RHOH: variants seen among roughly 807,000 people sequenced by gnomAD.
The protein encoded by RHOH is rho-related GTP-binding protein RhoH.
In RHOH, 6 loss-of-function variants were observed where a neutral mutation model predicts 13.8. That is an observed-to-expected ratio of 0.44 (90% CI 0.24 to 0.86). The LOEUF (loss-of-function observed/expected upper bound fraction) is 0.86. Among genes scored for constraint, RHOH ranks in the 40% least tolerant of loss-of-function variants. The pLI is 0.24. For synonymous variants in RHOH, 117 were observed against 103.0 expected (o/e 1.14, Z -0.82); for missense variants, 147 against 244.5 (o/e 0.60, Z 2.66).
At chr4:40,194,941 G>T (rs1398111504), upstream of RHOH, among the ~76,000 whole-genome samples, 1 of 152,148 alleles carries the variant, frequency 6.6e-6, no homozygotes, top group African/African-American at 2.4e-5. Context: ...AGGGGGCAAA[G>T]TTTCTCTTTA....
upstream of RHOH, among the ~76,000 whole-genome samples, chr4:40,192,180 G>C (rs1392496292): frequency 6.6e-6 from 1 of 152,164 alleles, no homozygotes; most frequent in Non-Finnish European, 1.5e-5. Context: ...TCATCATCCA[G>C]TGGGGAGCTG....
At chr4:40,237,461 A>AG (rs1728725185) in intron 1 of RHOH, among the ~76,000 whole-genome samples, 2 of 152,042 alleles carry the variant, frequency 1.3e-5, no homozygotes, top group Non-Finnish European at 2.9e-5. Context: ...TCTCAAAAAA[A>AG]AAAAAAAAAG....
intron 1 of RHOH, among the ~76,000 whole-genome samples, chr4:40,203,823 CA>C (rs1724322211): frequency 6.6e-6 from 1 of 152,190 alleles, no homozygotes; most frequent in African/African-American, 2.4e-5. Context: ...GAACTATGAG[CA>C]CAGAGAAAGA....
intron 1 of RHOH, among the ~76,000 whole-genome samples, chr4:40,241,010 A>G (rs770187059): frequency 2.6e-5 from 4 of 152,026 alleles, no homozygotes; most frequent in Non-Finnish European, 5.9e-5. Context: ...AAAATAAGAT[A>G]ATTAAATTAA....
chr4:40,208,215 T>C (rs538250998), intron 1 of RHOH, among the ~76,000 whole-genome samples: 1 of 152,300 alleles, frequency 6.6e-6, no homozygotes, highest in South Asian at 2.1e-4. Flanking sequence ...TAAATGTTAG[T>C]GCTCCTTCCT....
chr4:40,193,197 A>T (rs1358444298), upstream of RHOH: 1 of 152,466 alleles, frequency 6.6e-6, no homozygotes, highest in East Asian at 1.9e-4. Flanking sequence ...CTTGCAATGG[A>T]GGTGGGTGGT....
At chr4:40,222,572 A>C (rs762495744) in intron 1 of RHOH, among the ~76,000 whole-genome samples, 3 of 152,220 alleles carry the variant, frequency 2.0e-5, no homozygotes, top group Admixed American at 6.5e-5. Flanking sequence ...CACTGTTGAG[A>C]CCTACTGCTC....
Position 40,245,572 on chromosome 4 carries a change from AAAT to A in RHOH, c.*1611_*1613del. The A allele has an allele frequency of 1.4e-5, 2 of 144,136 alleles. No individual in the cohort carries two copies. The highest frequency in any genetic ancestry group is 7.5e-5 in the Admixed American group (1 of 13,340). The allele number at this position is 144,136 out of a possible 1,614,324, so 8.9% of individuals were successfully genotyped here. A position where few individuals can be genotyped will look rare whatever the true frequency, so the allele number is the denominator to read the frequency against. On this transcript the variant is annotated 3_prime_UTR_variant, in exon 3 of 3. Transcript: ENST00000381799. ...AAAAAAGAAAAGAAAAAAAAGAAAG[AAAT>A]TGCAAAGGCTGGCACCTAGATAGAT...
chr4:40,236,923 A>C (rs1728655642), intron 1 of RHOH, among the ~76,000 whole-genome samples: 1 of 152,230 alleles, frequency 6.6e-6, no homozygotes, highest in South Asian at 2.1e-4. Context: ...ATAGGTGTGC[A>C]GTTAGGAATT....
chr4:40,193,258 AGTTACGAACTGTGGACCCATG>A (rs1722790508), upstream of RHOH: 1 of 152,320 alleles, frequency 6.6e-6, no homozygotes, highest in African/African-American at 2.4e-5. Flanking sequence ...TCTGATTCCC[AGTTACGAACTGTGGACCCATG>A]GTTTCCCTCC....
chr4:40,235,609 G>GA (rs1728473072), intron 1 of RHOH, among the ~76,000 whole-genome samples: 1 of 101,706 alleles, frequency 9.8e-6, no homozygotes. Context: ...AAAAAAAAAA[G>GA]AAAAAAGAAA....
chr4:40,229,648 A>G (rs199498423), intron 1 of RHOH, among the ~76,000 whole-genome samples: 155 of 151,580 alleles, frequency 1.0e-3, no homozygotes, highest in Admixed American at 1.3e-3. Flanking sequence ...AAAAAAAAAA[A>G]AAAGAAAGAA....
chr4:40,205,450 G>T (rs1199905078), intron 1 of RHOH, among the ~76,000 whole-genome samples: 1 of 152,200 alleles, frequency 6.6e-6, no homozygotes, highest in African/African-American at 2.4e-5. Flanking sequence ...AGATGTAGTT[G>T]TCTTATCTGA....
At chr4:40,191,649 GTCT>G (rs1206565302), upstream of RHOH, among the ~76,000 whole-genome samples, 2 of 152,146 alleles carry the variant, frequency 1.3e-5, no homozygotes, top group Non-Finnish European at 2.9e-5. Context: ...ACAAGACTCT[GTCT>G]TCTTATGAAT....
At chr4:40,197,347 A>G (rs1323037577) in intron 1 of RHOH, 47 bp downstream of exon 1, 1 of 147,252 alleles carries the variant, frequency 6.8e-6, no homozygotes, top group African/African-American at 2.5e-5. Flanking sequence ...GTCAAAAGAA[A>G]TTTTTCTAAT....
intron 1 of RHOH, among the ~76,000 whole-genome samples, chr4:40,203,262 G>A (rs775819349): frequency 9.2e-5 from 14 of 152,228 alleles, no homozygotes; most frequent in Non-Finnish European, 7.3e-5. Flanking sequence ...GTGAGCCACC[G>A]CGCCCGGCCA....
chr4:40,207,934 C>G (rs1039728923), intron 1 of RHOH, among the ~76,000 whole-genome samples: 3 of 152,082 alleles, frequency 2.0e-5, no homozygotes, highest in Non-Finnish European at 4.4e-5. Flanking sequence ...CCACTGCACT[C>G]CAGCCTGGGC....
chr4:40,243,882 G>A lies in RHOH; in HGVS notation c.496G>A (p.Ala166Thr), dbSNP rs750167394. The change falls in exon 3 of 3, where the codon GCC becomes ACC. Residue 166 changes from alanine (A) to threonine (T), a missense_variant. Physicochemically the swap from Ala to Thr is moderately conservative, Grantham distance 58 (BLOSUM62 0). This residue lies in a region of RHOH where 31 missense variants were observed against 61.8 expected (regional missense o/e 0.50). Transcript: ENST00000381799. This position sits in a 1 kb window ranked among gnomAD's most constrained non-coding sequence, Gnocchi z 6.2. ...NRGVQQVFEC[A>T]VRTAVNQARR... ...GGGAGTACAGCAGGTGTTTGAGTGC[G>A]CCGTCCGAACTGCCGTCAACCAGGC... is the stretch of plus-strand genomic sequence containing the variant. 6.2e-6 allele frequency: 10 copies of A among 1,614,034 alleles called. No individual in the cohort carries two copies. The highest frequency in any genetic ancestry group is 8.5e-6 in the Non-Finnish European group (10 of 1,180,014).
chr4:40,199,104 T>TAA (rs58849854), intron 1 of RHOH, among the ~76,000 whole-genome samples: 7 of 150,472 alleles, frequency 4.7e-5, no homozygotes, highest in African/African-American at 1.7e-4. Context: ...ATGCTCAGAT[T>TAA]AAAAAAAAAA....
Sources: allele counts gnomAD v4.1 joint callset (sites outside exome capture counted in the v4.1 genomes callset), GRCh38; gene constraint gnomAD v4.1.1; regional missense constraint gnomAD v4.1.1; non-coding constraint Gnocchi (gnomAD v3.1); transcripts MANE v1.5; gene names NCBI Gene and HGNC (gene_info 2026-07-23, HGNC 2026-07-21).